Variants in LAMA2 observed in about 807,000 individuals in gnomAD.
The protein encoded by LAMA2 is laminin subunit alpha 2.
In LAMA2, 269 loss-of-function variants were observed where a neutral mutation model predicts 364.8. The observed-to-expected ratio is 0.74, with a 90% CI of 0.67 to 0.82. LAMA2 has a LOEUF of 0.82. LAMA2 is among the 40% of genes least tolerant of loss of function. The pLI is 0.00. For synonymous variants in LAMA2, 1,379 were observed against 1,370.6 expected, an observed-to-expected ratio of 1.01 and a Z score of -0.14; for missense variants, 3,807 against 3,873.2, an observed-to-expected ratio of 0.98 and a Z score of 0.45.
chr6:129,184,089 G>C (rs758146520), intron 10 of LAMA2, among the ~76,000 whole-genome samples: 5 of 151,854 alleles, frequency 3.3e-5, no homozygotes, highest in Non-Finnish European at 5.9e-5. Context: ...ATTACTTTTT[G>C]TTGTTGTTTA....
chr6:129,289,607 A>G (rs1386573451), intron 19 of LAMA2, among the ~76,000 whole-genome samples: 4 of 152,098 alleles, frequency 2.6e-5, no homozygotes, highest in Non-Finnish European at 5.9e-5. Flanking sequence ...TATTCCACTA[A>G]TTTTATTATG....
Position 129,059,787 on chromosome 6 carries a change from G to A in LAMA2, c.287G>A (p.Arg96Lys). ...CNQNSSNPNQ[R>K]HPITNAIDGK... ...TATGATGCTGCTAACTCAATAGAGA[G>A]ACACCCGATTACAAATGCTATTGAT... The change falls in exon 3 of 65, where the codon AGA becomes AAA. Residue 96 changes from arginine to lysine, a missense_variant. Physicochemically the swap from Arg to Lys is conservative, Grantham distance 26. This residue lies in a region of LAMA2 where 394 missense variants were observed against 403.5 expected (regional missense o/e 0.98). Transcript: ENST00000421865. 1 of 1,586,574 alleles carries A rather than the reference G, an allele frequency of 6.3e-7. No individual in the cohort carries two copies. Among genetic ancestry groups the A allele is most frequent in the Non-Finnish European group, 8.7e-7 (1 of 1,155,050 alleles).
At chr6:129,109,002 C>A (rs1276960696) in intron 4 of LAMA2, among the ~76,000 whole-genome samples, 1 of 152,108 alleles carries the variant, frequency 6.6e-6, no homozygotes, top group Non-Finnish European at 1.5e-5. Context: ...TATTAATTTG[C>A]ATCCATTATA....
chr6:129,237,269 A>G (rs893300726), intron 12 of LAMA2, among the ~76,000 whole-genome samples: 3 of 152,108 alleles, frequency 2.0e-5, no homozygotes, highest in African/African-American at 7.2e-5. Context: ...TGCAACCCCT[A>G]TTGATGGACG....
At chr6:129,051,554 A>G (rs1582945329) in intron 2 of LAMA2, among the ~76,000 whole-genome samples, 1 of 139,660 alleles carries the variant, frequency 7.2e-6, no homozygotes, top group African/African-American at 2.6e-5. Flanking sequence ...TCAAGTGATC[A>G]CCCGCTTCAG....
Position 129,274,937 on chromosome 6 carries a change from G to C in LAMA2, c.2450+4186G>C, listed in dbSNP as rs543361038. Among the ~76,000 whole-genome samples the C allele has an allele frequency of 3.9e-5, 6 of 152,074 alleles. No homozygotes were observed. In the South Asian group the frequency reaches 1.0e-3, roughly 26 times the overall value. On this transcript the variant is annotated intron_variant, in intron 17 of 64. Transcript: ENST00000421865. Reference sequence around the variant, plus strand: ...ATATAATATTATTGAAGTTGTTATAGATTTTCATCAGTTATATAATAAAAT... The same window carrying C: ...ATATAATATTATTGAAGTTGTTATACATTTTCATCAGTTATATAATAAAAT...
At chr6:129,075,053 T>C (rs1773542077) in intron 3 of LAMA2, among the ~76,000 whole-genome samples, 1 of 152,132 alleles carries the variant, frequency 6.6e-6, no homozygotes, top group African/African-American at 2.4e-5. Flanking sequence ...AAGTAAACAA[T>C]TTAGAATAGT....
At chr6:129,258,748 A>C (rs138365742) in intron 14 of LAMA2, among the ~76,000 whole-genome samples, 1 of 152,076 alleles carries the variant, frequency 6.6e-6, no homozygotes, top group Admixed American at 6.6e-5. Flanking sequence ...TGTGAATTTC[A>C]TCTAAACTAA....
rs192870045 is a variant in LAMA2, at chr6:129,140,808, A to G, written c.640-3093A>G. ...CATCGCCAAACAGCTGGCTTGTTTT[A>G]TATCCCAGAAACAGCTTGGGACTAA... is the stretch of plus-strand genomic sequence containing the variant. On this transcript the variant is annotated intron_variant, in intron 4 of 64. Transcript: ENST00000421865. 3.2e-3 allele frequency among the ~76,000 whole-genome samples: 494 copies of G among 152,226 alleles called. 1 individual carries two copies. The highest frequency in any genetic ancestry group is 0.011 in the African/African-American group (474 of 41,556).
At chr6:129,251,925 ACT>A (rs1786278066) in intron 13 of LAMA2, among the ~76,000 whole-genome samples, 157 bp from the exon 14 acceptor site, 1 of 151,892 alleles carries the variant, frequency 6.6e-6, no homozygotes, top group African/African-American at 2.4e-5. Flanking sequence ...ATAGAGCGAG[ACT>A]CTGTCTCCAA....
At chr6:129,274,746 G>A (rs1669554877) in intron 17 of LAMA2, among the ~76,000 whole-genome samples, 1 of 151,904 alleles carries the variant, frequency 6.6e-6, no homozygotes, top group South Asian at 2.1e-4. Context: ...TCTAGCTATA[G>A]GTTGTAACTA....
chr6:129,516,049 T>G, intron 64 of LAMA2, 141 bp from the exon 65 acceptor site: 1 of 973,628 alleles, frequency 1.0e-6, no homozygotes, highest in Non-Finnish European at 1.7e-6. Context: ...ATTCTATTAG[T>G]AAGGCTAAAA....
chr6:128,935,904 C>T (rs1779784084), intron 1 of LAMA2, among the ~76,000 whole-genome samples: 1 of 152,108 alleles, frequency 6.6e-6, no homozygotes, highest in South Asian at 2.1e-4. Context: ...TCAGTTGTAA[C>T]CCTCATCATC....
chr6:128,948,650 G>A (rs747716454), intron 1 of LAMA2, among the ~76,000 whole-genome samples: 4 of 152,174 alleles, frequency 2.6e-5, no homozygotes, highest in Admixed American at 6.5e-5. Context: ...GGGACTGGTG[G>A]GAGGTGATTG....
At chr6:129,138,074 G>A (rs1337853922) in intron 4 of LAMA2, among the ~76,000 whole-genome samples, 1 of 151,916 alleles carries the variant, frequency 6.6e-6, no homozygotes. Context: ...GGTGTTTGAG[G>A]AAAGGGCCTA....
rs201632009 is a variant in LAMA2 at position 129,383,212 on chromosome 6, G to A, written c.5050G>A (p.Glu1684Lys). 240 of 1,613,246 alleles carry A rather than the reference G, an allele frequency of 1.5e-4. No individual in the cohort carries two copies. The highest frequency in any genetic ancestry group is 2.0e-4 in the Non-Finnish European group (233 of 1,179,522). Reference protein sequence around the residue: ...RAKSLGEFIKELARDAEAVNE... With the variant: ...RAKSLGEFIKKLARDAEAVNE... Reference sequence around the variant, plus strand: ...AAAGTCCCTGGGAGAATTCATTAAGGAGCTTGCCCGGGATGCAGAAGGTAT... The same window carrying A: ...AAAGTCCCTGGGAGAATTCATTAAGAAGCTTGCCCGGGATGCAGAAGGTAT... The change falls in exon 35 of 65, where the codon GAG (glutamate) becomes AAG (lysine). Residue 1684 changes from glutamate to lysine, a missense_variant. Transcript: ENST00000421865.
intron 9 of LAMA2, among the ~76,000 whole-genome samples, chr6:129,169,913 T>G (rs1371526373): frequency 1.0e-4 from 15 of 149,374 alleles, no homozygotes; most frequent in East Asian, 1.9e-4. Flanking sequence ...GTCGAGGAAT[T>G]TATCCATTTC....
Position 129,318,776 on chromosome 6 carries a change from C to G in LAMA2, c.4059-1762C>G, listed in dbSNP as rs1774773375. On this transcript the variant is annotated intron_variant, in intron 27 of 64. Transcript: ENST00000421865. ...TGCAGATTACAATGCTAGCAAAGAA[C>G]ATGCATTCATAATTCAGTTTCAATA... is the stretch of plus-strand genomic sequence containing the variant. 3.3e-5 allele frequency among the ~76,000 whole-genome samples: 5 copies of G among 152,234 alleles called. No individual in the cohort carries two copies. In the South Asian group the frequency reaches 1.0e-3, roughly 31 times the overall value.
intron 13 of LAMA2, 69 bp from the exon 14 acceptor site, chr6:129,252,015 A>G (rs1352169536): frequency 3.2e-6 from 3 of 928,984 alleles, no homozygotes; most frequent in Middle Eastern, 2.2e-4. Flanking sequence ...ACAAATATAG[A>G]TATGTTTGAC....
Sources: gnomAD v4.1 joint callset for allele counts (sites outside exome capture counted in the v4.1 genomes callset) on GRCh38, gnomAD v4.1.1 for gene constraint, gnomAD v4.1.1 regional missense constraint, MANE v1.5 for transcripts, NCBI Gene and HGNC (gene_info 2026-07-23, HGNC 2026-07-21) for gene names.